HAL: variants seen among roughly 807,000 people sequenced by gnomAD.
HAL encodes histidase.
A neutral mutation model predicts 81.1 loss-of-function variants in HAL; 85 were observed. The observed-to-expected ratio is 1.05, with a 90% CI of 0.88 to 1.25. The LOEUF is 1.25. HAL is among the 50% of genes most tolerant of loss of function. HAL has a pLI of 0.00. For missense variants in HAL, 798 were observed against 836.6 expected (o/e 0.95, Z 0.57); for synonymous variants, 301 against 309.2 (o/e 0.97, Z 0.28).
At position 95,976,420 on chromosome 12, in the gene HAL, C is replaced by A. The variant is rs761620519; in HGVS notation, c.1833+9G>T. ...AAAAATTAAGAAACAAGCCAAGGAGCCAGCTTGCCTTCTGCTCCAGGAGCA... is the reference window on the plus strand; with the variant it reads ...AAAAATTAAGAAACAAGCCAAGGAGACAGCTTGCCTTCTGCTCCAGGAGCA... On this transcript the variant is annotated intron_variant, in intron 20 of 20. Transcript: ENST00000261208. 6.2e-7 allele frequency: 1 copy of A among 1,606,356 alleles called. No homozygotes were observed. The highest frequency in any genetic ancestry group is 1.3e-5 in the African/African-American group (1 of 74,782).
chr12:95,988,341 C>A, intron 10 of HAL, 101 bp from the exon 11 acceptor site: 1 of 750,502 alleles, frequency 1.3e-6, no homozygotes, highest in Admixed American at 1.9e-5. Context: ...GCCCAAAAGT[C>A]CATCTTATAA....
At chr12:95,977,311 CT>C (rs1320814680) in intron 18 of HAL, among the ~76,000 whole-genome samples, 4 of 151,648 alleles carry the variant, frequency 2.6e-5, no homozygotes, top group African/African-American at 9.7e-5. Flanking sequence ...ATTGAATGTG[CT>C]GTTGAATCAA....
Position 95,993,831 on chromosome 12 carries a change from G to A in HAL, c.492C>T (p.Tyr164=), listed in dbSNP as rs17024973. The change falls in exon 7 of 21, where the codon TAC becomes TAT. Residue 164 remains tyrosine, a synonymous_variant. Coordinates refer to ENST00000261208, the MANE Select transcript of HAL (RefSeq NM_002108.4). ...ATTTCCCAAAACCTGTAGTAATACCGTAAACAACTAGAATAAAAAGAGACA... is the reference window on the plus strand; with the variant it reads ...ATTTCCCAAAACCTGTAGTAATACCATAAACAACTAGAATAAAAAGAGACA... The part of the protein sequence containing the change: ...DSIIKEKTVV[Y]GITTGFGKFA... 1.9e-3 allele frequency: 2,973 copies of A among 1,563,514 alleles called. 47 individuals carry two copies. In the African/African-American group the frequency reaches 0.036, roughly 19 times the overall value.
At chr12:95,976,935 A>G (rs928751781) in intron 18 of HAL, among the ~76,000 whole-genome samples, 1 of 152,202 alleles carries the variant, frequency 6.6e-6, no homozygotes, top group African/African-American at 2.4e-5. Flanking sequence ...CATTTACCTG[A>G]ATAATTACCA....
chr12:95,992,841 CAA>C, intron 8 of HAL, 36 bp from the exon 9 acceptor site: 5 of 1,605,380 alleles, frequency 3.1e-6, no homozygotes, highest in Non-Finnish European at 4.3e-6. Context: ...CCAAGAAAAG[CAA>C]ACTCCTTTTT....
chr12:95,985,624 CAAAAAAAAAAAAA>C (rs56285140), intron 14 of HAL, among the ~76,000 whole-genome samples: 1 of 77,216 alleles, frequency 1.3e-5, no homozygotes, highest in African/African-American at 5.3e-5. Context: ...TTGTCTGTCT[CAAAAAAAAAAAAA>C]AAAAAAAAAA....
In HAL at chr12:95,973,956, C is replaced by T. The variant is rs2080684894; in HGVS notation, c.*276G>A. 1 of 486,554 alleles carries T rather than the reference C, an allele frequency of 2.1e-6. No homozygotes were observed. Among genetic ancestry groups the T allele is most frequent in the African/African-American group, 1.9e-5 (1 of 51,592 alleles). 30.1% of individuals were successfully genotyped at this position (486,554 alleles called of 1,614,324 possible). A position where few individuals can be genotyped will look rare whatever the true frequency, so the allele number is the denominator to read the frequency against. ...ATACAATTGTGGTTATTCTTCTCAC[C>T]CTTAAGAGTGAGTGGCCTGTTGAAA... On this transcript the variant is annotated 3_prime_UTR_variant, in exon 21 of 21. Transcript: ENST00000261208.
intron 17 of HAL, 66 bp downstream of exon 17, chr12:95,980,490 C>T: frequency 6.8e-7 from 1 of 1,464,480 alleles, no homozygotes; most frequent in Non-Finnish European, 9.6e-7. Flanking sequence ...TTTGATACTT[C>T]TAGGTGAAAT....
Position 95,993,202 on chromosome 12 carries a change from T to C in HAL, c.589+249A>G, listed in dbSNP as rs79195177. Among the ~76,000 whole-genome samples the C allele has an allele frequency of 1.8e-4, 27 of 152,330 alleles. 1 individual carries two copies. In the East Asian group the frequency reaches 5.2e-3, roughly 29 times the overall value. On this transcript the variant is annotated intron_variant, in intron 8 of 20. Transcript: ENST00000261208. ...GAGTTCCAGGCTTTATTTCCTTCCC[T>C]GAATGCAACAGTGTCTCCATGGCAT...
intron 9 of HAL, 105 bp from the exon 10 acceptor site, chr12:95,990,637 T>A: frequency 1.1e-6 from 1 of 876,972 alleles, no homozygotes; most frequent in East Asian, 2.4e-5. Flanking sequence ...CTGCCTCCAA[T>A]ATCTATCACT....
chr12:95,994,207 T>C (rs926691809), intron 4 of HAL, 43 bp from the exon 5 acceptor site: 1 of 1,365,070 alleles, frequency 7.3e-7, no homozygotes, highest in African/African-American at 1.4e-5. Context: ...AACAGCTTGA[T>C]TATTCTAACC....
Position 95,993,777 on chromosome 12 carries a change from C to T in HAL, c.546G>A (p.Lys182=). Residue 182 remains lysine (K), a synonymous_variant, in exon 7 of 21, where the codon AAG becomes AAA. Transcript: ENST00000261208. The part of the protein sequence containing the change: ...KFARTVIPIN[K]LQELQVNLVR... ...TATGTGTGTTTTAAACTTACTGTAG[C>T]TTATTGATAGGAATTACAGTTCTGG... 4 of 1,522,204 alleles carry T rather than the reference C, an allele frequency of 2.6e-6. No homozygotes were observed. The highest frequency in any genetic ancestry group is 3.6e-6 in the Non-Finnish European group (4 of 1,096,376). The allele number at this position is 1,522,204 out of a possible 1,614,324, so 94.3% of individuals were successfully genotyped here.
Position 95,978,057 on chromosome 12 carries a change from C to T in HAL, c.1541G>A (p.Cys514Tyr). 5.6e-6 allele frequency: 9 copies of T among 1,613,792 alleles called. No individual in the cohort carries two copies. The highest frequency in any genetic ancestry group is 6.8e-6 in the Non-Finnish European group (8 of 1,179,668). The change falls in exon 18 of 21, where the codon TGC (cysteine) becomes TAC (tyrosine). Residue 514 changes from cysteine to tyrosine, a missense_variant. Physicochemically the swap from Cys to Tyr is radical, Grantham distance 194 (BLOSUM62 -2). Transcript: ENST00000261208. Reference sequence around the variant, plus strand: ...GAGGGAGTCAACAGACGAGGGATGGCACAGAGCCTTGTTCTCAGAAACTGC... The same window carrying T: ...GAGGGAGTCAACAGACGAGGGATGGTACAGAGCCTTGTTCTCAGAAACTGC... Reference protein sequence around the residue: ...AALVSENKALCHPSSVDSLST... With the variant: ...AALVSENKALYHPSSVDSLST...
rs1350212168 is a variant in HAL at position 95,988,238 on chromosome 12, C to T, written c.858G>A (p.Val286=). 7 of 1,481,996 alleles carry T rather than the reference C, an allele frequency of 4.7e-6. No homozygotes were observed. Among genetic ancestry groups the T allele is most frequent in the South Asian group, 1.1e-5 (1 of 88,328 alleles). The allele number at this position is 1,481,996 out of a possible 1,614,324, so 91.8% of individuals were successfully genotyped here. The part of the protein sequence containing the change: ...PKSGWADAKY[V]LEAHGLKPVI... The stretch of plus-strand genomic sequence containing the variant: ...CTGGTTTCAATCCATGGGCTTCTAG[C>T]ACCTATAGAATGATTAAAAATATGA... Residue 286 remains valine, a splice_region_variant and synonymous_variant, in exon 11 of 21, where the codon GTG becomes GTA. Coordinates refer to ENST00000261208, the MANE Select transcript of HAL (RefSeq NM_002108.4).
intron 11 of HAL, among the ~76,000 whole-genome samples, chr12:95,987,887 T>A (rs2287057): frequency 0.11 from 15,866 of 143,318 alleles, 1,106 homozygotes; most frequent in East Asian, 0.34. Flanking sequence ...TTTTGTCTTT[T>A]TTGGCGGGGC....
At chr12:95,984,406 A>G (rs1949851569) in intron 14 of HAL, among the ~76,000 whole-genome samples, 1 of 152,202 alleles carries the variant, frequency 6.6e-6, no homozygotes, top group South Asian at 2.1e-4. Context: ...AATAATGCAA[A>G]CAAATTCTTA....
chr12:95,992,674 C>T lies in HAL; in HGVS notation c.715+6G>A, dbSNP rs935104758. On this transcript the variant is annotated splice_donor_region_variant and intron_variant, in intron 9 of 20. Transcript: ENST00000261208. ...AGAGGTTCCGTCTAGGGAGCCATTG[C>T]ATTACCATTAAACATTTCTATGACT... 3.1e-6 allele frequency: 5 copies of T among 1,610,568 alleles called. No individual in the cohort carries two copies. The highest frequency in any genetic ancestry group is 3.3e-5 in the Admixed American group (2 of 59,950).
intron 17 of HAL, 91 bp from the exon 18 acceptor site, chr12:95,978,169 G>C: frequency 1.1e-6 from 1 of 933,354 alleles, no homozygotes; most frequent in South Asian, 1.4e-5. Flanking sequence ...CCACAGCATG[G>C]GATACACTCT....
rs941707252 is a variant in HAL at position 95,983,790 on chromosome 12, C to G, written c.1287+121G>C. ...AACCTCTGAGCCTCAGGTACTGATTCATTTACTCTGTGAAATGGAGCAATG... is the reference window on the plus strand; with the variant it reads ...AACCTCTGAGCCTCAGGTACTGATTGATTTACTCTGTGAAATGGAGCAATG... On this transcript the variant is annotated intron_variant, in intron 15 of 20. Coordinates refer to ENST00000261208, the MANE Select transcript of HAL (RefSeq NM_002108.4). 1.8e-5 allele frequency: 13 copies of G among 713,316 alleles called. No homozygotes were observed. The Admixed American group carries it at 2.4e-4, about 13-fold the overall frequency. 44.2% of individuals were successfully genotyped at this position (713,316 alleles called of 1,614,324 possible). A position where few individuals can be genotyped will look rare whatever the true frequency, so the allele number is the denominator to read the frequency against.
Sources: gnomAD v4.1 joint callset for allele counts (sites outside exome capture counted in the v4.1 genomes callset) on GRCh38, gnomAD v4.1.1 for gene constraint, MANE v1.5 for transcripts, NCBI Gene and HGNC (gene_info 2026-07-23, HGNC 2026-07-21) for gene names.